CNR2: variants seen among roughly 807,000 people sequenced by gnomAD.
The protein encoded by CNR2 is cannabinoid receptor 2 (macrophage).
For missense variants in CNR2, 379 were observed against 439.9 expected (o/e 0.86, Z 1.24); for synonymous variants, 172 against 182.2 (o/e 0.94, Z 0.45).
chr1:23,910,792 G>A (rs1640571214), intron 1 of CNR2, among the ~76,000 whole-genome samples: 1 of 152,088 alleles, frequency 6.6e-6, no homozygotes, highest in African/African-American at 2.4e-5. Context: ...AAGAAACTGA[G>A]GTTCAGAAAG....
chr1:23,901,802 C>A, intron 1 of CNR2: 4 of 1,581,038 alleles, frequency 2.5e-6, no homozygotes, highest in Non-Finnish European at 3.5e-6. Flanking sequence ...GCTGGACCCA[C>A]ACAGGCCTAG....
chr1:23,877,599 G>A (rs561975683), intron 1 of CNR2, among the ~76,000 whole-genome samples: 113 of 151,182 alleles, frequency 7.5e-4, no homozygotes, highest in African/African-American at 2.6e-3. Flanking sequence ...CCGAGATGGC[G>A]CCACTGCACT....
intron 1 of CNR2, among the ~76,000 whole-genome samples, chr1:23,881,344 C>T (rs949825338): frequency 6.6e-6 from 1 of 151,672 alleles, no homozygotes; most frequent in Admixed American, 6.6e-5. Context: ...TGCCTATAAT[C>T]CCAACACTTT....
chr1:23,896,694 A>T (rs1640290891), intron 1 of CNR2, among the ~76,000 whole-genome samples: 1 of 152,128 alleles, frequency 6.6e-6, no homozygotes, highest in Non-Finnish European at 1.5e-5. Flanking sequence ...TCCACTCAAG[A>T]CTTTTAGAGA....
At chr1:23,901,414 A>G in intron 1 of CNR2, 1 of 1,411,712 alleles carries the variant, frequency 7.1e-7, no homozygotes. Context: ...AGAAGCAGTT[A>G]GTGTCCTGAT....
At chr1:23,879,347 G>A (rs1366252520) in intron 1 of CNR2, among the ~76,000 whole-genome samples, 1 of 152,098 alleles carries the variant, frequency 6.6e-6, no homozygotes, top group African/African-American at 2.4e-5. Context: ...GGGCACAGTG[G>A]CTCATGCCTG....
At chr1:23,877,149 TA>T (rs67057665) in intron 1 of CNR2, among the ~76,000 whole-genome samples, 96,031 of 151,550 alleles carry the variant, frequency 0.63, 30,782 homozygotes, top group African/African-American at 0.75. Flanking sequence ...GGGTATACCT[TA>T]AAAAAAAAGT....
At chr1:23,881,362 C>T (rs1051892791) in intron 1 of CNR2, among the ~76,000 whole-genome samples, 6 of 151,568 alleles carry the variant, frequency 4.0e-5, no homozygotes, top group African/African-American at 1.5e-4. Flanking sequence ...TTTGAGAGGC[C>T]GAGGCGGGCA....
chr1:23,903,314 C>A (rs1374377832), intron 1 of CNR2, among the ~76,000 whole-genome samples: 1 of 152,160 alleles, frequency 6.6e-6, no homozygotes, highest in East Asian at 1.9e-4. Context: ...GTGATTCACA[C>A]CTGTAATCCC....
At chr1:23,887,686 G>C (rs1054597501) in intron 1 of CNR2, among the ~76,000 whole-genome samples, 5 of 152,070 alleles carry the variant, frequency 3.3e-5, no homozygotes, top group Non-Finnish European at 5.9e-5. Flanking sequence ...GGTGAAGACT[G>C]TGTCTGAACA....
chr1:23,903,773 A>G (rs1640441910), intron 1 of CNR2, among the ~76,000 whole-genome samples: 1 of 152,134 alleles, frequency 6.6e-6, no homozygotes, highest in African/African-American at 2.4e-5. Flanking sequence ...GTAAAATGCA[A>G]TTAATCCTCA....
chr1:23,900,092 G>T (rs1224132674), intron 1 of CNR2, among the ~76,000 whole-genome samples: 1 of 151,304 alleles, frequency 6.6e-6, no homozygotes, highest in African/African-American at 2.4e-5. Context: ...GAGATACTTT[G>T]CAGACCCTGC....
At chr1:23,902,299 C>A in intron 1 of CNR2, 1 of 1,515,378 alleles carries the variant, frequency 6.6e-7, no homozygotes, top group Non-Finnish European at 9.0e-7. Context: ...TCGGCCTGTG[C>A]GTCGATGACC....
intron 1 of CNR2, among the ~76,000 whole-genome samples, chr1:23,889,426 C>T (rs116497909): frequency 2.5e-3 from 381 of 152,234 alleles, no homozygotes; most frequent in African/African-American, 8.8e-3. Context: ...TAGTCCTTGT[C>T]CTGCTACTGA....
intron 1 of CNR2, among the ~76,000 whole-genome samples, chr1:23,897,687 C>A (rs1351273885): frequency 2.6e-5 from 4 of 151,960 alleles, no homozygotes; most frequent in African/African-American, 9.7e-5. Context: ...GTCTTGAACT[C>A]CTGACCTTGT....
At chr1:23,903,227 G>A (rs1398218192) in intron 1 of CNR2, among the ~76,000 whole-genome samples, 1 of 152,156 alleles carries the variant, frequency 6.6e-6, no homozygotes, top group African/African-American at 2.4e-5. Flanking sequence ...ATTGGTTGGA[G>A]GTATTCTCTC....
chr1:23,902,742 C>A (rs1200180310), intron 1 of CNR2: 42 of 1,543,074 alleles, frequency 2.7e-5, no homozygotes, highest in Non-Finnish European at 3.5e-5. Flanking sequence ...CGTGGGGGAC[C>A]GCGCCATTTG....
chr1:23,903,268 A>G (rs1249797111), intron 1 of CNR2, among the ~76,000 whole-genome samples: 1 of 152,106 alleles, frequency 6.6e-6, no homozygotes, highest in Non-Finnish European at 1.5e-5. Context: ...AAGGAGGGTA[A>G]CCTGCTTTCT....
At chr1:23,896,631 T>C (rs1356897450) in intron 1 of CNR2, among the ~76,000 whole-genome samples, 1 of 152,086 alleles carries the variant, frequency 6.6e-6, no homozygotes, top group Admixed American at 6.6e-5. Context: ...AAGAGGGAGA[T>C]GAGAGGCAGG....
Sources: allele counts gnomAD v4.1 joint callset (sites outside exome capture counted in the v4.1 genomes callset), GRCh38; gene constraint gnomAD v4.1.1; transcripts MANE v1.5; gene names NCBI Gene and HGNC (gene_info 2026-07-23, HGNC 2026-07-21).